Variants in GLRB observed in about 807,000 individuals in gnomAD.
The protein encoded by GLRB is glycine receptor beta.
GLRB carries 33 observed loss-of-function variants against 54.2 expected under a neutral mutation model. The observed-to-expected ratio is 0.61, with a 90% CI of 0.46 to 0.81. GLRB has a LOEUF of 0.81. GLRB is among the 40% of genes least tolerant of loss of function. The pLI is 0.00. For synonymous variants in GLRB, 209 were observed against 208.2 expected, an observed-to-expected ratio of 1.00 and a Z score of -0.03; for missense variants, 572 against 584.6, an observed-to-expected ratio of 0.98 and a Z score of 0.22.
At chr4:157,089,573 G>A (rs1428754808) in intron 2 of GLRB, among the ~76,000 whole-genome samples, 1 of 152,020 alleles carries the variant, frequency 6.6e-6, no homozygotes, top group African/African-American at 2.4e-5. Flanking sequence ...ACTCACTCCT[G>A]GCTCTTTTTA....
chr4:157,165,979 C>T (rs1309651619), intron 9 of GLRB, among the ~76,000 whole-genome samples: 1 of 151,888 alleles, frequency 6.6e-6, no homozygotes, highest in Non-Finnish European at 1.5e-5. Context: ...TAGAGGATGC[C>T]ATTATTGACA....
chr4:157,143,841 G>T lies in GLRB; in HGVS notation c.786G>T (p.Leu262=). The change falls in exon 8 of 10, where the codon CTG becomes CTT. Residue 262 remains leucine, a synonymous_variant. Coordinates refer to ENST00000264428, the MANE Select transcript of GLRB (RefSeq NM_000824.5). The part of the protein sequence containing the change: ...YYTCVEVIFT[L]RRQVGFYMMG... Reference sequence around the variant, plus strand: ...CATGCGTGGAAGTCATCTTCACCCTGAGGAGGCAGGTCGGCTTTTACATGA... The same window carrying T: ...CATGCGTGGAAGTCATCTTCACCCTTAGGAGGCAGGTCGGCTTTTACATGA... 1 of 1,613,796 alleles carries T rather than the reference G, an allele frequency of 6.2e-7. No individual in the cohort carries two copies. The highest frequency in any genetic ancestry group is 1.1e-5 in the South Asian group (1 of 91,060).
intron 2 of GLRB, among the ~76,000 whole-genome samples, chr4:157,117,017 G>C (rs564818582): frequency 1.3e-5 from 2 of 151,644 alleles, no homozygotes; most frequent in African/African-American, 4.8e-5. Flanking sequence ...ACAATGTTGA[G>C]TTTTTGTTGC....
chr4:157,098,776 T>TC, intron 2 of GLRB, among the ~76,000 whole-genome samples: 1 of 151,968 alleles, frequency 6.6e-6, no homozygotes, highest in Admixed American at 6.6e-5. Flanking sequence ...GGCTAATTTT[T>TC]TTTGTATTTT....
At chr4:157,127,464 A>G (rs1736055779) in intron 4 of GLRB, among the ~76,000 whole-genome samples, 1 of 152,014 alleles carries the variant, frequency 6.6e-6, no homozygotes, top group South Asian at 2.1e-4. Flanking sequence ...ACCAGTAATC[A>G]CAATTCTTAT....
intron 9 of GLRB, among the ~76,000 whole-genome samples, chr4:157,154,706 C>T (rs1737160338): frequency 6.6e-6 from 1 of 152,108 alleles, no homozygotes; most frequent in Non-Finnish European, 1.5e-5. Flanking sequence ...GGATTACAGG[C>T]ATGAGCCACT....
chr4:157,097,213 A>AT (rs1016458647), intron 2 of GLRB, among the ~76,000 whole-genome samples: 1 of 152,102 alleles, frequency 6.6e-6, no homozygotes. Flanking sequence ...ACTCCATTAG[A>AT]TTTTTTCTGA....
intron 8 of GLRB, among the ~76,000 whole-genome samples, chr4:157,148,709 C>A (rs903726503): frequency 1.3e-5 from 2 of 152,084 alleles, no homozygotes; most frequent in African/African-American, 4.8e-5. Flanking sequence ...AATATACTCA[C>A]GGATTTCAAT....
rs150568754 is a variant in GLRB, at chr4:157,170,761, C to A, written c.*33C>A. ...TTTCCATTTGTACAAAATAAAATTCCATTTCATTGTGACCTACTCCTTTCA... is the reference window on the plus strand; with the variant it reads ...TTTCCATTTGTACAAAATAAAATTCAATTTCATTGTGACCTACTCCTTTCA... On this transcript the variant is annotated 3_prime_UTR_variant, in exon 10 of 10. Coordinates refer to ENST00000264428, the MANE Select transcript of GLRB (RefSeq NM_000824.5). 2 of 1,251,960 alleles carry A rather than the reference C, an allele frequency of 1.6e-6. No homozygotes were observed. Among genetic ancestry groups the A allele is most frequent in the Non-Finnish European group, 2.2e-6 (2 of 908,314 alleles). The allele number at this position is 1,251,960 out of a possible 1,614,324, so 77.6% of individuals were successfully genotyped here. A position where few individuals can be genotyped will look rare whatever the true frequency, so the allele number is the denominator to read the frequency against.
chr4:157,117,610 G>T (rs1032996671), intron 2 of GLRB, among the ~76,000 whole-genome samples: 4 of 151,620 alleles, frequency 2.6e-5, no homozygotes, highest in African/African-American at 9.7e-5. Context: ...GAGGGTGGGG[G>T]AAGTCATTAC....
At chr4:157,089,979 A>C (rs193101215) in intron 2 of GLRB, among the ~76,000 whole-genome samples, 1 of 152,276 alleles carries the variant, frequency 6.6e-6, no homozygotes, top group Non-Finnish European at 1.5e-5. Flanking sequence ...AGAAATGATT[A>C]TTGCATCTAG....
chr4:157,149,542 A>C (rs1426323457), intron 8 of GLRB, among the ~76,000 whole-genome samples: 1 of 152,226 alleles, frequency 6.6e-6, no homozygotes, highest in South Asian at 2.1e-4. Flanking sequence ...AAAGATTAAT[A>C]ATTTGGGTCA....
intron 9 of GLRB, among the ~76,000 whole-genome samples, chr4:157,160,412 T>C (rs991467688): frequency 1.3e-5 from 2 of 152,158 alleles, no homozygotes; most frequent in Admixed American, 6.5e-5. Context: ...CTAGTTCTTT[T>C]AACTGTGATG....
intron 7 of GLRB, among the ~76,000 whole-genome samples, chr4:157,140,927 C>G (rs1736582940): frequency 6.6e-6 from 1 of 151,424 alleles, no homozygotes; most frequent in Admixed American, 6.6e-5. Context: ...CTTTGAAAGT[C>G]CTAGGAGTGT....
intron 2 of GLRB, among the ~76,000 whole-genome samples, chr4:157,109,110 A>G (rs1735327569): frequency 6.6e-6 from 1 of 152,102 alleles, no homozygotes; most frequent in African/African-American, 2.4e-5. Flanking sequence ...TGGGAAACCA[A>G]AACATTTGTA....
chr4:157,154,854 A>G (rs964667640), intron 9 of GLRB, among the ~76,000 whole-genome samples: 11 of 152,140 alleles, frequency 7.2e-5, no homozygotes, highest in African/African-American at 2.7e-4. Context: ...TAAGTTATGC[A>G]TGCATAACAT....
Position 157,080,617 on chromosome 4 carries a change from G to T in GLRB, c.122+2471G>T, listed in dbSNP as rs141930785. Among the ~76,000 whole-genome samples the T allele has an allele frequency of 7.2e-4, 109 of 152,282 alleles. 1 individual carries two copies. Among genetic ancestry groups the T allele is most frequent in the African/African-American group, 2.6e-3 (106 of 41,568 alleles). On this transcript the variant is annotated intron_variant, in intron 2 of 9. Transcript: ENST00000264428. ...GGGGCTGTGAAAGAATATGCAAATT[G>T]TATGTATCTCAGAGAATGATCCAGT...
At chr4:157,123,688 A>T (rs1205108210) in intron 4 of GLRB, among the ~76,000 whole-genome samples, 1 of 151,796 alleles carries the variant, frequency 6.6e-6, no homozygotes, top group Non-Finnish European at 1.5e-5. Flanking sequence ...AATGTGGTTA[A>T]TCTGTCTATA....
rs759202495 is a variant in GLRB at position 157,136,824 on chromosome 4, G to A, written c.548G>A (p.Cys183Tyr). 1.2e-5 allele frequency: 20 copies of A among 1,609,792 alleles called. No individual in the cohort carries two copies. Among genetic ancestry groups the A allele is most frequent in the Non-Finnish European group, 1.7e-5 (20 of 1,176,224 alleles). ...VSMRLSITLSCPLDLTLFPMD... is the reference protein window; with the variant it reads ...VSMRLSITLSYPLDLTLFPMD... Reference sequence around the variant, plus strand: ...TCCAGGTTATCTATTACTCTTTCATGCCCTTTGGACTTGACATTGTTTCCC... The same window carrying A: ...TCCAGGTTATCTATTACTCTTTCATACCCTTTGGACTTGACATTGTTTCCC... The change falls in exon 6 of 10, where the codon TGC (cysteine) becomes TAC (tyrosine). Residue 183 changes from cysteine to tyrosine, a missense_variant. By Grantham distance (194) the Cys-to-Tyr change is radical. Transcript: ENST00000264428.
Sources: allele counts gnomAD v4.1 joint callset (sites outside exome capture counted in the v4.1 genomes callset), GRCh38; gene constraint gnomAD v4.1.1; transcripts MANE v1.5; gene names NCBI Gene and HGNC (gene_info 2026-07-23, HGNC 2026-07-21).